Variants in MSH4 observed in about 807,000 individuals in gnomAD.
The protein encoded by MSH4 is mutS homolog 4, also known as mutS protein homolog 4.
MSH4 carries 106 observed loss-of-function variants against 113.7 expected under a neutral mutation model. The ratio of observed to expected loss-of-function variants is 0.93; its 90% CI spans 0.80 to 1.10. The LOEUF is 1.10. MSH4 is among the 50% of genes least tolerant of loss of function. The probability of loss-of-function intolerance (pLI) is 0.00; values close to 1 mark genes in which losing one functional copy is unlikely to be tolerated. For synonymous variants in MSH4, 368 were observed against 380.2 expected, an observed-to-expected ratio of 0.97 and a Z score of 0.37; for missense variants, 1,061 against 1,093.7, an observed-to-expected ratio of 0.97 and a Z score of 0.42.
At chr1:75,897,675 G>A (rs5745536) in intron 17 of MSH4, among the ~76,000 whole-genome samples, 6,738 of 151,782 alleles carry the variant, frequency 0.044, 500 homozygotes, top group African/African-American at 0.15. Context: ...CCATAATGTG[G>A]CATACACGTC....
intron 9 of MSH4, among the ~76,000 whole-genome samples, chr1:75,874,808 A>G (rs1451468323): frequency 1.3e-5 from 2 of 152,172 alleles, no homozygotes; most frequent in African/African-American, 2.4e-5. Context: ...GTGAGAAAAA[A>G]TTATGTCTGA....
intron 8 of MSH4, among the ~76,000 whole-genome samples, chr1:75,860,633 G>A (rs1275840895): frequency 5.9e-5 from 9 of 152,290 alleles, no homozygotes; most frequent in East Asian, 5.8e-4. Context: ...CGAGAGATCC[G>A]CTGTTAGTCT....
intron 3 of MSH4, 25 bp from the exon 4 acceptor site, chr1:75,810,672 A>G: frequency 9.1e-7 from 1 of 1,099,686 alleles, no homozygotes; most frequent in East Asian, 2.6e-5. Flanking sequence ...TTTATTTAAG[A>G]AATTGTTTAT....
chr1:75,806,864 C>G (rs1650078753), intron 2 of MSH4, 117 bp from the exon 3 acceptor site: 1 of 844,704 alleles, frequency 1.2e-6, no homozygotes, highest in African/African-American at 1.8e-5. Context: ...AAGAGGCTAA[C>G]TGATATCTAC....
Position 75,822,548 on chromosome 1 carries a change from C to T in MSH4, c.1129C>T (p.Gln377Ter), listed in dbSNP as rs1334110962. ...ATTAGATTGTGTTCAAGAACTACTT[C>T]AAGATGAGGAACTATTTTTTGGACT... ...MRLDCVQELL[Q>*]DEELFFGLQS... The change falls in exon 7 of 20, where the codon CAA becomes TAA. Residue 377 changes from glutamine to a stop codon, truncating the protein, a stop_gained. Transcript: ENST00000263187. LOFTEE classifies it high-confidence loss of function. 8 of 1,544,808 alleles carry T rather than the reference C, an allele frequency of 5.2e-6. No individual in the cohort carries two copies. The highest frequency in any genetic ancestry group is 1.3e-5 in the South Asian group (1 of 78,756).
chr1:75,824,225 A>C (rs1305533549), intron 7 of MSH4, among the ~76,000 whole-genome samples: 3 of 152,192 alleles, frequency 2.0e-5, no homozygotes, highest in Non-Finnish European at 1.5e-5. Flanking sequence ...TCTAATGACC[A>C]GTGATGATGA....
At chr1:75,806,903 A>C in intron 2 of MSH4, 78 bp from the exon 3 acceptor site, 1 of 1,321,826 alleles carries the variant, frequency 7.6e-7, no homozygotes, top group Non-Finnish European at 1.0e-6. Flanking sequence ...CTCTTGATTA[A>C]GAATTTCCTA....
At position 75,832,858 on chromosome 1, in the gene MSH4, C is replaced by A. The variant is rs563903635; in HGVS notation, c.1162+10277C>A. On this transcript the variant is annotated intron_variant, in intron 7 of 19. Coordinates refer to ENST00000263187, the MANE Select transcript of MSH4 (RefSeq NM_002440.4). The stretch of plus-strand genomic sequence containing the variant: ...TGAATGGGCAAAAACTGGAAGCATT[C>A]CCTTGAAACCTGGCACAAGACAGGG... Among the ~76,000 whole-genome samples the A allele has an allele frequency of 2.0e-5, 3 of 152,254 alleles. No homozygotes were observed. The East Asian group carries it at 5.8e-4, about 29-fold the overall frequency.
intron 8 of MSH4, among the ~76,000 whole-genome samples, chr1:75,849,484 A>G (rs1388781554): frequency 2.6e-5 from 4 of 152,186 alleles, no homozygotes; most frequent in African/African-American, 9.6e-5. Flanking sequence ...AATCCATTGA[A>G]AGCTAATCTA....
chr1:75,874,362 C>T (rs1243240425), intron 9 of MSH4, among the ~76,000 whole-genome samples: 2 of 152,174 alleles, frequency 1.3e-5, no homozygotes, highest in Non-Finnish European at 2.9e-5. Flanking sequence ...CAGTCTTGCT[C>T]TGTGCCCAGG....
chr1:75,897,621 C>T (rs1652412749), intron 17 of MSH4, among the ~76,000 whole-genome samples: 1 of 151,966 alleles, frequency 6.6e-6, no homozygotes, highest in African/African-American at 2.4e-5. Context: ...TCAATATCTT[C>T]AGATATATTT....
chr1:75,803,618 A>T, intron 1 of MSH4, 113 bp from the exon 2 acceptor site: 1 of 822,088 alleles, frequency 1.2e-6, no homozygotes, highest in Non-Finnish European at 1.7e-6. Context: ...ACTCTGTCTC[A>T]AAAAAGAAAA....
chr1:75,857,541 G>A (rs1277623732), intron 8 of MSH4, among the ~76,000 whole-genome samples: 2 of 152,136 alleles, frequency 1.3e-5, no homozygotes, highest in Non-Finnish European at 2.9e-5. Context: ...TTATTAAATA[G>A]GGAATCTTTT....
chr1:75,838,183 G>A (rs918485039), intron 7 of MSH4, among the ~76,000 whole-genome samples: 5 of 152,168 alleles, frequency 3.3e-5, no homozygotes, highest in Non-Finnish European at 5.9e-5. Flanking sequence ...AAAGGCTCTG[G>A]AGGGGGAGTC....
In MSH4 at chr1:75,870,525, G is replaced by A. The variant is rs190358018; in HGVS notation, c.1305+2937G>A. On this transcript the variant is annotated intron_variant, in intron 9 of 19. Coordinates refer to ENST00000263187, the MANE Select transcript of MSH4 (RefSeq NM_002440.4). ...ATGTCAAAGGCAGGGCCAGGTGGAG[G>A]TAATTGAATCATAGGGCAGTTTCCC... Among the ~76,000 whole-genome samples the A allele has an allele frequency of 5.0e-4, 76 of 152,248 alleles. 1 individual carries two copies.
chr1:75,884,568 A>G (rs1406278321), intron 15 of MSH4, among the ~76,000 whole-genome samples: 1 of 151,958 alleles, frequency 6.6e-6, no homozygotes, highest in South Asian at 2.1e-4. Context: ...GAGTCCAGGA[A>G]TGCTGTTAAA....
At chr1:75,864,885 C>T (rs1002401906) in intron 8 of MSH4, among the ~76,000 whole-genome samples, 1 of 152,138 alleles carries the variant, frequency 6.6e-6, no homozygotes, top group Non-Finnish European at 1.5e-5. Context: ...GCAGCTGAGA[C>T]TCTGCTTTCT....
chr1:75,863,030 TC>T (rs1165331130), intron 8 of MSH4, among the ~76,000 whole-genome samples: 1 of 152,144 alleles, frequency 6.6e-6, no homozygotes, highest in African/African-American at 2.4e-5. Flanking sequence ...TAAAATACTT[TC>T]CCCAACATTT....
intron 1 of MSH4, among the ~76,000 whole-genome samples, chr1:75,802,892 T>C (rs1649970940): frequency 6.6e-6 from 1 of 152,218 alleles, no homozygotes; most frequent in African/African-American, 2.4e-5. Flanking sequence ...AGTCCTGTAG[T>C]GGTACAGGGC....
Sources: gnomAD v4.1 joint callset for allele counts (sites outside exome capture counted in the v4.1 genomes callset) on GRCh38, gnomAD v4.1.1 for gene constraint, MANE v1.5 for transcripts, NCBI Gene and HGNC (gene_info 2026-07-23, HGNC 2026-07-21) for gene names.